Variants in TXNDC16 observed in about 807,000 individuals in gnomAD.
TXNDC16 encodes thioredoxin domain-containing protein 16.
A neutral mutation model predicts 85.6 loss-of-function variants in TXNDC16; 74 were observed. The ratio of observed to expected loss-of-function variants is 0.86; its 90% confidence interval spans 0.72 to 1.05. TXNDC16 has a LOEUF of 1.05. TXNDC16 is among the 50% of genes least tolerant of loss of function. The pLI is 0.00. For synonymous variants in TXNDC16, 335 were observed against 326.5 expected, an observed-to-expected ratio of 1.03 and a Z score of -0.28; for missense variants, 959 against 947.0, an observed-to-expected ratio of 1.01 and a Z score of -0.17.
chr14:52,479,840 C>A (rs758186546), intron 14 of TXNDC16, among the ~76,000 whole-genome samples: 65 of 151,992 alleles, frequency 4.3e-4, no homozygotes, highest in Non-Finnish European at 7.7e-4. Flanking sequence ...TCACATGGAA[C>A]CAAAAAAGAG....
At chr14:52,446,156 G>A (rs528435349) in intron 18 of TXNDC16, among the ~76,000 whole-genome samples, 51 of 152,256 alleles carry the variant, frequency 3.3e-4, no homozygotes, top group Non-Finnish European at 5.9e-4. Flanking sequence ...CGCTCAAAGA[G>A]GCACTGAAGA....
intron 6 of TXNDC16, 51 bp downstream of exon 6, chr14:52,536,668 T>G: frequency 7.1e-7 from 1 of 1,412,878 alleles, no homozygotes; most frequent in Non-Finnish European, 9.7e-7. Context: ...TAAAATGAAA[T>G]CAACAGATAA....
intron 3 of TXNDC16, 104 bp from the exon 4 acceptor site, chr14:52,542,557 C>G: frequency 1.5e-6 from 1 of 682,854 alleles, no homozygotes; most frequent in Admixed American, 2.7e-5. Flanking sequence ...TAGCATGCAA[C>G]AACAAATAAC....
intron 1 of TXNDC16, among the ~76,000 whole-genome samples, chr14:52,549,140 T>C (rs1035475165): frequency 3.9e-5 from 6 of 152,234 alleles, no homozygotes; most frequent in African/African-American, 1.2e-4. Context: ...CCCAACTACA[T>C]GTAGACTTTG....
At chr14:52,487,374 A>C (rs568534392) in intron 12 of TXNDC16, among the ~76,000 whole-genome samples, 1 of 152,344 alleles carries the variant, frequency 6.6e-6, no homozygotes, top group East Asian at 1.9e-4. Context: ...CCTCATGAAA[A>C]TGATATGTAA....
At chr14:52,537,245 A>G (rs2037724723) in intron 5 of TXNDC16, among the ~76,000 whole-genome samples, 2 of 152,294 alleles carry the variant, frequency 1.3e-5, no homozygotes, top group South Asian at 4.1e-4. Flanking sequence ...GTGCAGAGAG[A>G]TTGGCAGATC....
intron 11 of TXNDC16, among the ~76,000 whole-genome samples, chr14:52,488,820 CG>C (rs2036332842): frequency 1.0e-5 from 1 of 98,780 alleles, no homozygotes; most frequent in Non-Finnish European, 2.0e-5. Flanking sequence ...GGCGACAAGG[CG>C]AGACTCTGGG....
intron 20 of TXNDC16, among the ~76,000 whole-genome samples, chr14:52,434,286 G>C (rs2034977079): frequency 6.6e-6 from 1 of 152,190 alleles, no homozygotes; most frequent in Admixed American, 6.5e-5. Context: ...CTAGCGGTCT[G>C]AGACTATGAC....
chr14:52,525,173 A>T (rs2037298596), intron 6 of TXNDC16, among the ~76,000 whole-genome samples: 1 of 152,040 alleles, frequency 6.6e-6, no homozygotes, highest in Non-Finnish European at 1.5e-5. Context: ...ATCCCCACCA[A>T]CTGCCACACC....
intron 16 of TXNDC16, among the ~76,000 whole-genome samples, chr14:52,469,478 G>A (rs115875536): frequency 0.014 from 2,140 of 152,134 alleles, 37 homozygotes; most frequent in African/African-American, 0.049. Flanking sequence ...TTCTGGCTAG[G>A]TGCGGTGGCT....
intron 4 of TXNDC16, among the ~76,000 whole-genome samples, chr14:52,538,455 A>T (rs919888632): frequency 6.6e-6 from 1 of 152,206 alleles, no homozygotes; most frequent in South Asian, 2.1e-4. Flanking sequence ...GATAAACAGA[A>T]AGCAAAAGAA....
chr14:52,548,118 G>C (rs527750788), intron 1 of TXNDC16, among the ~76,000 whole-genome samples: 1 of 152,336 alleles, frequency 6.6e-6, no homozygotes, highest in South Asian at 2.1e-4. Context: ...GTCCCAGAAA[G>C]AGAACACCAT....
intron 18 of TXNDC16, among the ~76,000 whole-genome samples, chr14:52,441,504 G>T (rs2035164472): frequency 6.6e-6 from 1 of 151,956 alleles, no homozygotes; most frequent in Admixed American, 6.6e-5. Context: ...AGCTACTCTG[G>T]AGGGTGAGGC....
At chr14:52,434,674 G>C (rs1391322788) in intron 20 of TXNDC16, among the ~76,000 whole-genome samples, 3 of 152,164 alleles carry the variant, frequency 2.0e-5, no homozygotes, top group African/African-American at 7.2e-5. Flanking sequence ...GCTATTTCCA[G>C]AATGTTCCTA....
In TXNDC16 at chr14:52,457,124, T is replaced by C. The variant is rs766289340; in HGVS notation, c.1669A>G (p.Thr557Ala). The C allele has an allele frequency of 2.5e-6, 4 of 1,594,330 alleles. No homozygotes were observed. In the South Asian group the frequency reaches 4.6e-5, roughly 18 times the overall value. The change falls in exon 17 of 21, where the codon ACT becomes GCT. Residue 557 changes from threonine (T) to alanine (A), a missense_variant. By Grantham distance (58) the Thr-to-Ala change is moderately conservative. Coordinates refer to ENST00000281741, the MANE Select transcript of TXNDC16 (RefSeq NM_020784.3). ...AGNYLKGYVI[T>A]GIYSEEDVLL... Reference sequence around the variant, plus strand: ...ACATCTTCTTCAGAATAAATTCCAGTGATAACATATCCTTTTAGGTAGTTT... The same window carrying C: ...ACATCTTCTTCAGAATAAATTCCAGCGATAACATATCCTTTTAGGTAGTTT...
intron 14 of TXNDC16, among the ~76,000 whole-genome samples, chr14:52,477,744 C>T (rs2036051310): frequency 6.6e-6 from 1 of 152,034 alleles, no homozygotes; most frequent in African/African-American, 2.4e-5. Context: ...CTTCAATACT[C>T]CACTGACAGC....
chr14:52,532,163 TAC>T (rs35236362), intron 6 of TXNDC16, among the ~76,000 whole-genome samples: 14,772 of 152,208 alleles, frequency 0.097, 955 homozygotes, highest in South Asian at 0.3. Context: ...GAAAAATTTT[TAC>T]AGTTTGTGCT....
intron 16 of TXNDC16, among the ~76,000 whole-genome samples, chr14:52,462,220 A>G (rs1200919488): frequency 1.3e-5 from 2 of 151,906 alleles, no homozygotes; most frequent in African/African-American, 2.4e-5. Flanking sequence ...CAAGTTCTTT[A>G]TATTTTTGTT....
In TXNDC16 at chr14:52,543,631, C is replaced by T; in HGVS notation, c.-73-1G>A. The T allele has an allele frequency of 6.6e-7, 1 of 1,518,306 alleles. No homozygotes were observed. The highest frequency in any genetic ancestry group is 8.9e-7 in the Non-Finnish European group (1 of 1,118,468). The allele number at this position is 1,518,306 out of a possible 1,614,324, so 94.1% of individuals were successfully genotyped here. A position where few individuals can be genotyped will look rare whatever the true frequency, so the allele number is the denominator to read the frequency against. ...TGTGTTCTGTTTCCTAAGACAACAC[C>T]TGGCACAGAGAAGGTATTCAACAAG... On this transcript the variant is annotated splice_acceptor_variant, in intron 2 of 20. Coordinates refer to ENST00000281741, the MANE Select transcript of TXNDC16 (RefSeq NM_020784.3). LOFTEE classifies it low-confidence loss of function (5UTR_SPLICE).
Sources: allele counts gnomAD v4.1 joint callset (sites outside exome capture counted in the v4.1 genomes callset), GRCh38; gene constraint gnomAD v4.1.1; transcripts MANE v1.5; gene names NCBI Gene and HGNC (gene_info 2026-07-23, HGNC 2026-07-21).